Variants in RASGEF1C observed in about 807,000 individuals in gnomAD.
RASGEF1C encodes RasGEF domain family member 1C, also known as ras-GEF domain-containing family member 1C.
Under a neutral mutation model 58.1 loss-of-function variants are expected in RASGEF1C, and 27 were observed. The observed-to-expected ratio is 0.46, with a 90% CI of 0.34 to 0.64. The LOEUF (loss-of-function observed/expected upper bound fraction) is 0.64, where lower values mean the gene tolerates loss of function less well. RASGEF1C is among the 30% of genes least tolerant of loss of function. RASGEF1C has a pLI of 0.01. For synonymous variants in RASGEF1C, 243 were observed against 246.3 expected (o/e 0.99, Z 0.13); for missense variants, 502 against 605.1 (o/e 0.83, Z 1.79).
chr5:180,201,551 T>C (rs1385641597), intron 1 of RASGEF1C, among the ~76,000 whole-genome samples: 1 of 151,984 alleles, frequency 6.6e-6, no homozygotes, highest in African/African-American at 2.4e-5. Context: ...ACAGATAATA[T>C]CCATACAAAG....
intron 12 of RASGEF1C, among the ~76,000 whole-genome samples, chr5:180,109,238 T>C (rs928747689): frequency 1.3e-4 from 20 of 152,082 alleles, no homozygotes; most frequent in East Asian, 3.9e-4. Context: ...GGGTGGATCA[T>C]GAGGTCAGGA....
At chr5:180,189,778 C>G (rs1366586789) in intron 1 of RASGEF1C, among the ~76,000 whole-genome samples, 1 of 151,596 alleles carries the variant, frequency 6.6e-6, no homozygotes, top group Non-Finnish European at 1.5e-5. Context: ...AAAAAATTAG[C>G]CAGGCATGGT....
intron 1 of RASGEF1C, among the ~76,000 whole-genome samples, chr5:180,174,550 G>T (rs112758674): frequency 1.7e-5 from 1 of 57,812 alleles, no homozygotes; most frequent in African/African-American, 8.2e-5. Flanking sequence ...GCGTGTGTGC[G>T]TGTGTCTGTG....
chr5:180,136,433 T>G lies in RASGEF1C; in HGVS notation c.383A>C (p.Glu128Ala), dbSNP rs1264951737. 3.2e-6 allele frequency: 5 copies of G among 1,561,986 alleles called. No individual in the cohort carries two copies. The highest frequency in any genetic ancestry group is 3.5e-6 in the Non-Finnish European group (4 of 1,152,980). ...GTCCTTAAGGTGCCCGATAGTCGACTCTTCCTGGAAGTCCCTTGGGAAGGT... is the reference window on the plus strand; with the variant it reads ...GTCCTTAAGGTGCCCGATAGTCGACGCTTCCTGGAAGTCCCTTGGGAAGGT... ...TETFPRDFQE[E>A]STIGHLKDVV... The change falls in exon 4 of 14, where the codon GAG (glutamate) becomes GCG (alanine). Residue 128 changes from glutamate (E) to alanine (A), a missense_variant. Physicochemically the swap from Glu to Ala is moderately radical, Grantham distance 107. Coordinates refer to ENST00000361132, the MANE Select transcript of RASGEF1C (RefSeq NM_175062.4).
intron 1 of RASGEF1C, among the ~76,000 whole-genome samples, chr5:180,206,614 CAAT>C (rs988678303): frequency 6.6e-6 from 1 of 152,092 alleles, no homozygotes; most frequent in African/African-American, 2.4e-5. Flanking sequence ...CAAACATTAA[CAAT>C]ATAGGTGCAA....
At chr5:180,110,485 C>T (rs918525827) in intron 12 of RASGEF1C, among the ~76,000 whole-genome samples, 1 of 145,918 alleles carries the variant, frequency 6.9e-6, no homozygotes, top group African/African-American at 2.6e-5. Context: ...GAAGCCAGGT[C>T]TTCTGCGTCC....
At chr5:180,205,551 G>A (rs974246418) in intron 1 of RASGEF1C, among the ~76,000 whole-genome samples, 5 of 151,970 alleles carry the variant, frequency 3.3e-5, no homozygotes, top group East Asian at 1.9e-4. Context: ...CTCCTTCCCC[G>A]CCCGAACAGC....
chr5:180,137,957 G>A lies in RASGEF1C; in HGVS notation c.96C>T (p.Pro32=), dbSNP rs756166635. Residue 32 remains proline (P), a synonymous_variant, in exon 2 of 14, where the codon CCC becomes CCT. Transcript: ENST00000361132. This position sits in a 1 kb window ranked among gnomAD's most constrained non-coding sequence, Gnocchi z 4.1. ...EPTDGEQAGQ[P]LLDGAPSSAS... is the part of the protein sequence containing the mutation. ...CTGAGGATGGCGCTCCATCCAGGAGGGGCTGCCCAGCCTGTTCGCCATCTG... is the reference window on the plus strand; with the variant it reads ...CTGAGGATGGCGCTCCATCCAGGAGAGGCTGCCCAGCCTGTTCGCCATCTG... The A allele has an allele frequency of 5.0e-6, 8 of 1,610,932 alleles. No individual in the cohort carries two copies. Among genetic ancestry groups the A allele is most frequent in the Non-Finnish European group, 6.8e-6 (8 of 1,178,978 alleles).
In RASGEF1C at chr5:180,113,094, A is replaced by ATC. The variant is rs1203156820; in HGVS notation, c.1179+1351_1179+1352insGA. Among the ~76,000 whole-genome samples, 27 of 133,722 alleles carry ATC rather than the reference A, an allele frequency of 2.0e-4. 2 individuals are homozygous for ATC. The highest frequency in any genetic ancestry group is 4.6e-3 in the Middle Eastern group (1 of 218). 87.7% of individuals were successfully genotyped at this position (133,722 alleles called of 152,430 possible). A position where few individuals can be genotyped will look rare whatever the true frequency, so the allele number is the denominator to read the frequency against. ...GGAGGGACCGGGGATGGACAGAGGG[A>ATC]CTGGGGATGGACGGAGGGACCGGGG... On this transcript the variant is annotated intron_variant, in intron 11 of 13. Transcript: ENST00000361132.
chr5:180,161,949 T>G (rs927940237), intron 1 of RASGEF1C, among the ~76,000 whole-genome samples: 5 of 152,254 alleles, frequency 3.3e-5, no homozygotes, highest in African/African-American at 1.2e-4. Flanking sequence ...CCCATGGCAG[T>G]GCCCCCAGGG....
chr5:180,172,719 G>A (rs1207244352), intron 1 of RASGEF1C, among the ~76,000 whole-genome samples: 1 of 152,114 alleles, frequency 6.6e-6, no homozygotes, highest in African/African-American at 2.4e-5. Flanking sequence ...GGGGAGGCCA[G>A]GCCACCTCTG....
chr5:180,182,077 C>T (rs977017118), intron 1 of RASGEF1C, among the ~76,000 whole-genome samples: 6 of 151,512 alleles, frequency 4.0e-5, no homozygotes, highest in Admixed American at 1.3e-4. Context: ...TGGTGGCGGG[C>T]GCCTGTAGTC....
intron 1 of RASGEF1C, among the ~76,000 whole-genome samples, chr5:180,194,720 G>A (rs144562095): frequency 1.3e-5 from 2 of 152,344 alleles, no homozygotes; most frequent in East Asian, 3.9e-4. Context: ...GTCCTGGAAA[G>A]TTAGGGCATT....
intron 1 of RASGEF1C, among the ~76,000 whole-genome samples, chr5:180,154,669 C>T (rs535095998): frequency 6.6e-6 from 1 of 152,018 alleles, no homozygotes; most frequent in East Asian, 1.9e-4. Context: ...CAAGCTCTGC[C>T]TCCCAGGTTC....
Position 180,152,561 on chromosome 5 carries a change from T to G in RASGEF1C, c.-6-14503A>C, listed in dbSNP as rs1349049291. ...GGGAACATCACACACCGGGGCCTGT[T>G]GTGGGGTGGGGGGAGGGGGGAGGGA... On this transcript the variant is annotated intron_variant, in intron 1 of 13. Coordinates refer to ENST00000361132, the MANE Select transcript of RASGEF1C (RefSeq NM_175062.4). Among the ~76,000 whole-genome samples the G allele has an allele frequency of 3.9e-5, 3 of 76,692 alleles. No individual in the cohort carries two copies. In the Admixed American group the frequency reaches 5.9e-4, roughly 15 times the overall value. The allele number at this position is 76,692 out of a possible 152,430, so 50.3% of individuals were successfully genotyped here. A position where few individuals can be genotyped will look rare whatever the true frequency, so the allele number is the denominator to read the frequency against.
At chr5:180,169,147 A>G (rs1429904177) in intron 1 of RASGEF1C, among the ~76,000 whole-genome samples, 1 of 152,186 alleles carries the variant, frequency 6.6e-6, no homozygotes, top group Non-Finnish European at 1.5e-5. Flanking sequence ...TGCTTTCATT[A>G]CATTAATGTT....
intron 10 of RASGEF1C, among the ~76,000 whole-genome samples, chr5:180,116,102 TA>T (rs1006931881): frequency 6.6e-5 from 10 of 152,128 alleles, no homozygotes; most frequent in Admixed American, 5.2e-4. Context: ...GCGCGTCCCA[TA>T]CGTGAGCACT....
chr5:180,157,082 A>G (rs1334143088), intron 1 of RASGEF1C, among the ~76,000 whole-genome samples: 1 of 152,270 alleles, frequency 6.6e-6, no homozygotes, highest in Non-Finnish European at 1.5e-5. Flanking sequence ...AATACAGTAC[A>G]GGCGCTTTGC....
intron 1 of RASGEF1C, among the ~76,000 whole-genome samples, chr5:180,208,450 G>T (rs1283842411): frequency 1.3e-5 from 2 of 152,126 alleles, no homozygotes; most frequent in South Asian, 2.1e-4. Flanking sequence ...GGACCAGGTG[G>T]TCCCTTGATG....
Sources: allele counts gnomAD v4.1 joint callset (sites outside exome capture counted in the v4.1 genomes callset), GRCh38; gene constraint gnomAD v4.1.1; non-coding constraint Gnocchi (gnomAD v3.1); transcripts MANE v1.5; gene names NCBI Gene and HGNC (gene_info 2026-07-23, HGNC 2026-07-21).